SLC24A3: variants seen among roughly 807,000 people sequenced by gnomAD.
SLC24A3 encodes sodium/potassium/calcium exchanger 3.
Under a neutral mutation model 75.8 loss-of-function variants are expected in SLC24A3, and 28 were observed. That is an observed-to-expected ratio of 0.37 (90% CI 0.27 to 0.51). The LOEUF (loss-of-function observed/expected upper bound fraction) is 0.51. SLC24A3 is among the 20% of genes least tolerant of loss of function. The pLI is 0.94. For missense variants in SLC24A3, 663 were observed against 847.8 expected (o/e 0.78, Z 2.71); for synonymous variants, 372 against 334.1 (o/e 1.11, Z -1.24).
rs115936772 is a variant in SLC24A3 at position 19,406,664 on chromosome 20, C to G, written c.272-108824C>G. ...GAGCTACAGGAGACTGGCAGACAGA[C>G]TGAAAGGTAGCACAGAGGGGGAAAT... On this transcript the variant is annotated intron_variant, in intron 2 of 16. Coordinates refer to ENST00000328041, the MANE Select transcript of SLC24A3 (RefSeq NM_020689.4). Among the ~76,000 whole-genome samples the G allele has an allele frequency of 8.2e-3, 1,253 of 152,186 alleles. 19 individuals are homozygous for G. Among genetic ancestry groups the G allele is most frequent in the African/African-American group, 0.029 (1,199 of 41,508 alleles).
intron 6 of SLC24A3, among the ~76,000 whole-genome samples, chr20:19,617,237 CGAGGCCGTG>C (rs1459560206): frequency 6.6e-6 from 1 of 152,202 alleles, no homozygotes; most frequent in Non-Finnish European, 1.5e-5. Context: ...AGAATCTAGA[CGAGGCCGTG>C]GAGCCTGCCT....
chr20:19,677,584 T>C (rs1379325785), intron 9 of SLC24A3, among the ~76,000 whole-genome samples: 1 of 152,006 alleles, frequency 6.6e-6, no homozygotes, highest in Non-Finnish European at 1.5e-5. Context: ...TCCTATAATT[T>C]TGAAGTCCCG....
At chr20:19,517,921 C>T (rs1403430506) in intron 3 of SLC24A3, among the ~76,000 whole-genome samples, 1 of 152,152 alleles carries the variant, frequency 6.6e-6, no homozygotes, top group Non-Finnish European at 1.5e-5. Flanking sequence ...CCCCAAGGCC[C>T]AAGATCAAAT....
chr20:19,427,412 T>C (rs374933438), intron 2 of SLC24A3, among the ~76,000 whole-genome samples: 8 of 152,218 alleles, frequency 5.3e-5, no homozygotes, highest in African/African-American at 1.9e-4. Flanking sequence ...TGAAGAGGCA[T>C]CTGGAGGCTG....
chr20:19,391,662 C>T (rs557026163), intron 2 of SLC24A3, among the ~76,000 whole-genome samples: 9 of 152,282 alleles, frequency 5.9e-5, no homozygotes, highest in African/African-American at 1.7e-4. Flanking sequence ...GAACCACTGG[C>T]CCAGAACACT....
chr20:19,259,479 G>A (rs1264902019), intron 1 of SLC24A3, among the ~76,000 whole-genome samples: 1 of 152,228 alleles, frequency 6.6e-6, no homozygotes, highest in African/African-American at 2.4e-5. Context: ...AGTCTCAGAA[G>A]TGGAGCACTG....
intron 3 of SLC24A3, among the ~76,000 whole-genome samples, chr20:19,565,629 ACTT>A (rs1437299660): frequency 6.6e-6 from 1 of 152,100 alleles, no homozygotes; most frequent in Non-Finnish European, 1.5e-5. Flanking sequence ...CTGAGGGTCT[ACTT>A]CTGAGCAACC....
At chr20:19,555,704 T>C (rs915028591) in intron 3 of SLC24A3, among the ~76,000 whole-genome samples, 4 of 152,168 alleles carry the variant, frequency 2.6e-5, no homozygotes, top group African/African-American at 9.7e-5. Flanking sequence ...CCTTATTTTA[T>C]GCATTCAAAA....
chr20:19,348,236 A>C (rs1184796658), intron 2 of SLC24A3, among the ~76,000 whole-genome samples: 1 of 152,200 alleles, frequency 6.6e-6, no homozygotes, highest in Non-Finnish European at 1.5e-5. Context: ...AAGGCGTTTC[A>C]CACTTCAGAT....
At chr20:19,276,040 C>T (rs529204648) in intron 1 of SLC24A3, among the ~76,000 whole-genome samples, 4 of 152,288 alleles carry the variant, frequency 2.6e-5, no homozygotes, top group East Asian at 3.9e-4. Context: ...CTTTGTGGAG[C>T]GGCCTCTTTG....
At chr20:19,666,036 C>A in intron 8 of SLC24A3, 147 bp downstream of exon 8, 1 of 841,034 alleles carries the variant, frequency 1.2e-6, no homozygotes, top group Non-Finnish European at 1.8e-6. Flanking sequence ...CTCTGCACAC[C>A]TCAGGGGAGA....
intron 2 of SLC24A3, among the ~76,000 whole-genome samples, chr20:19,361,028 C>T (rs757624300): frequency 5.2e-4 from 79 of 152,242 alleles, no homozygotes; most frequent in Admixed American, 1.7e-3. Flanking sequence ...GGGATTTCAC[C>T]GTGTTAGCCA....
chr20:19,576,683 C>A (rs903293517), intron 3 of SLC24A3, among the ~76,000 whole-genome samples: 1 of 152,192 alleles, frequency 6.6e-6, no homozygotes, highest in Non-Finnish European at 1.5e-5. Context: ...CATTTCTCAT[C>A]CCCCTCGAAG....
At chr20:19,545,674 C>T (rs1446077720) in intron 3 of SLC24A3, among the ~76,000 whole-genome samples, 1 of 152,190 alleles carries the variant, frequency 6.6e-6, no homozygotes, top group East Asian at 1.9e-4. Flanking sequence ...TGGAGCATAT[C>T]CTGCAGTATT....
At chr20:19,630,453 G>A (rs527606875) in intron 6 of SLC24A3, among the ~76,000 whole-genome samples, 1 of 152,224 alleles carries the variant, frequency 6.6e-6, no homozygotes, top group South Asian at 2.1e-4. Context: ...ACACTGACCA[G>A]GTAACTCTAG....
At chr20:19,356,091 G>A (rs1011832484) in intron 2 of SLC24A3, among the ~76,000 whole-genome samples, 8 of 152,118 alleles carry the variant, frequency 5.3e-5, no homozygotes, top group South Asian at 2.1e-4. Flanking sequence ...ACTGAGATGA[G>A]TGACCTGTCA....
chr20:19,662,763 T>C (rs2032344200), intron 7 of SLC24A3, among the ~76,000 whole-genome samples: 1 of 152,262 alleles, frequency 6.6e-6, no homozygotes, highest in South Asian at 2.1e-4. Flanking sequence ...GTCTTAAATG[T>C]ATTGAATAAC....
In SLC24A3 at chr20:19,341,404, G is replaced by A. The variant is rs552370064; in HGVS notation, c.271+60317G>A. On this transcript the variant is annotated intron_variant, in intron 2 of 16. Transcript: ENST00000328041. ...GGCCCAGAGGTCATCTGAGGATCAC[G>A]TAGGTTTGGGAACTGGACCTAGTCC... 6.6e-5 allele frequency among the ~76,000 whole-genome samples: 10 copies of A among 152,272 alleles called. No individual in the cohort carries two copies. In the South Asian group the frequency reaches 1.0e-3, roughly 16 times the overall value.
chr20:19,447,546 C>T (rs1535021), intron 2 of SLC24A3, among the ~76,000 whole-genome samples: 4 of 151,824 alleles, frequency 2.6e-5, no homozygotes, highest in Non-Finnish European at 5.9e-5. Context: ...TAAAAAATGG[C>T]GACACATATA....
Sources: gnomAD v4.1 joint callset for allele counts (sites outside exome capture counted in the v4.1 genomes callset) on GRCh38, gnomAD v4.1.1 for gene constraint, MANE v1.5 for transcripts, NCBI Gene and HGNC (gene_info 2026-07-23, HGNC 2026-07-21) for gene names.